The following LINGO2 variants were observed in gnomAD, a reference collection of about 807,000 sequenced individuals.
The protein encoded by LINGO2 is leucine rich repeat and Ig domain containing 2, also known as leucine-rich repeat and immunoglobulin-like domain-containing nogo receptor-interacting protein 2.
A neutral mutation model predicts 30.6 loss-of-function variants in LINGO2; 14 were observed. The observed-to-expected ratio is 0.46, with a 90% CI of 0.30 to 0.72. The LOEUF (loss-of-function observed/expected upper bound fraction) is 0.72. Among genes scored for constraint, LINGO2 ranks in the 30% least tolerant of loss-of-function variants. The probability of loss-of-function intolerance (pLI) is 0.07; values close to 1 mark genes in which losing one functional copy is unlikely to be tolerated. For synonymous variants in LINGO2, 317 were observed against 288.5 expected, an observed-to-expected ratio of 1.10 and a Z score of -1.00; for missense variants, 729 against 751.7, an observed-to-expected ratio of 0.97 and a Z score of 0.35.
chr9:27,958,967 C>A (rs1324463882), intron 5 of LINGO2, among the ~76,000 whole-genome samples: 3 of 152,138 alleles, frequency 2.0e-5, no homozygotes, highest in African/African-American at 7.2e-5. Context: ...ATTTCTTTGG[C>A]AGATATTGGA....
At chr9:28,861,928 T>C in the LINGO2 span, among the ~76,000 whole-genome samples, 1 of 152,136 alleles carries the variant, frequency 6.6e-6, no homozygotes. Flanking sequence ...TATTAGTCCA[T>C]TAGCACATCC....
chr9:28,381,102 T>C (rs183595738), intron 2 of LINGO2, among the ~76,000 whole-genome samples: 3 of 152,060 alleles, frequency 2.0e-5, no homozygotes, highest in Non-Finnish European at 4.4e-5. Flanking sequence ...AAAAGGATCC[T>C]TGACAATGAC....
chr9:28,104,142 C>G (rs900917621), intron 4 of LINGO2, among the ~76,000 whole-genome samples: 6 of 151,966 alleles, frequency 3.9e-5, no homozygotes, highest in Non-Finnish European at 8.8e-5. Context: ...GTCCCCTACT[C>G]CTCTCTGTCC....
the LINGO2 span, among the ~76,000 whole-genome samples, chr9:29,057,447 G>T: frequency 3.3e-5 from 5 of 152,134 alleles, no homozygotes; most frequent in South Asian, 8.3e-4. Flanking sequence ...GCTAGTTAAT[G>T]ACTTTAATGT....
At chr9:28,653,296 A>AG (rs746682419) in intron 1 of LINGO2, among the ~76,000 whole-genome samples, 1 of 152,148 alleles carries the variant, frequency 6.6e-6, no homozygotes, top group African/African-American at 2.4e-5. Flanking sequence ...ACCTGGAGCT[A>AG]GGGGCCTCTT....
chr9:28,892,067 T>A, the LINGO2 span, among the ~76,000 whole-genome samples: 1 of 151,902 alleles, frequency 6.6e-6, no homozygotes, highest in African/African-American at 2.4e-5. Context: ...CTTTATAAAT[T>A]TTTTTACCTC....
chr9:27,961,845 C>A (rs116118645), intron 5 of LINGO2, among the ~76,000 whole-genome samples: 1 of 152,060 alleles, frequency 6.6e-6, no homozygotes, highest in South Asian at 2.1e-4. Context: ...AAATGCTTCA[C>A]AGCCAATCGG....
chr9:28,866,210 A>C, the LINGO2 span, among the ~76,000 whole-genome samples: 1 of 152,296 alleles, frequency 6.6e-6, no homozygotes, highest in African/African-American at 2.4e-5. Context: ...ACTGATTATT[A>C]GAAAACACCA....
chr9:28,949,983 A>G, the LINGO2 span, among the ~76,000 whole-genome samples: 5 of 151,682 alleles, frequency 3.3e-5, no homozygotes, highest in African/African-American at 9.7e-5. Context: ...CAAGTCAATA[A>G]GCGTAATCCA....
At chr9:28,393,973 G>A (rs185298937) in intron 2 of LINGO2, among the ~76,000 whole-genome samples, 91 of 150,380 alleles carry the variant, frequency 6.1e-4, no homozygotes, top group Non-Finnish European at 2.2e-4. Flanking sequence ...TGAATGGTAA[G>A]TTGGTTGATA....
chr9:28,483,085 C>T (rs3920708), intron 1 of LINGO2, among the ~76,000 whole-genome samples: 2 of 151,832 alleles, frequency 1.3e-5, no homozygotes, highest in Admixed American at 6.6e-5. Flanking sequence ...AAACCTAAAA[C>T]GTGCAAGGTA....
chr9:28,894,548 T>A, the LINGO2 span, among the ~76,000 whole-genome samples: 1 of 151,956 alleles, frequency 6.6e-6, no homozygotes, highest in African/African-American at 2.4e-5. Context: ...TTTTCTTCTT[T>A]TTTAGTTTAT....
the LINGO2 span, among the ~76,000 whole-genome samples, chr9:28,791,424 G>A: frequency 2.6e-5 from 4 of 152,086 alleles, no homozygotes; most frequent in South Asian, 8.3e-4. Context: ...TTTAGACTAT[G>A]TAAATCACCT....
chr9:28,021,432 C>T (rs559095045), intron 4 of LINGO2, among the ~76,000 whole-genome samples: 129 of 152,158 alleles, frequency 8.5e-4, no homozygotes, highest in Non-Finnish European at 1.6e-3. Flanking sequence ...TTGGTGAATG[C>T]TCCACGTGAG....
At chr9:29,197,896 A>C in the LINGO2 span, among the ~76,000 whole-genome samples, 1 of 152,104 alleles carries the variant, frequency 6.6e-6, no homozygotes, top group African/African-American at 2.4e-5. Context: ...AAGTATCTTC[A>C]GTAATTTCCA....
chr9:27,980,353 C>A (rs1368644866), intron 5 of LINGO2, among the ~76,000 whole-genome samples: 1 of 151,792 alleles, frequency 6.6e-6, no homozygotes, highest in Admixed American at 6.6e-5. Context: ...GAATCTGAGG[C>A]CCTGATTTTC....
the LINGO2 span, among the ~76,000 whole-genome samples, chr9:28,876,781 G>T: frequency 0.037 from 5,586 of 152,150 alleles, 334 homozygotes; most frequent in African/African-American, 0.12. Flanking sequence ...TAGGATGGCT[G>T]GGTCAAATGG....
the LINGO2 span, among the ~76,000 whole-genome samples, chr9:28,731,251 G>A: frequency 9.7e-4 from 148 of 152,068 alleles, no homozygotes; most frequent in African/African-American, 3.2e-3. Context: ...GGCCTCCCAA[G>A]GTGTTGGGAT....
At chr9:28,374,975 CT>C (rs1353550448) in intron 2 of LINGO2, among the ~76,000 whole-genome samples, 1 of 151,984 alleles carries the variant, frequency 6.6e-6, no homozygotes, top group Non-Finnish European at 1.5e-5. Flanking sequence ...GAGGACGACC[CT>C]CTTGTACAGC....
Sources: allele counts gnomAD v4.1 joint callset (sites outside exome capture counted in the v4.1 genomes callset), GRCh38; gene constraint gnomAD v4.1.1; transcripts MANE v1.5; gene names NCBI Gene and HGNC (gene_info 2026-07-23, HGNC 2026-07-21).